Variants in CFAP70 observed in about 807,000 individuals in gnomAD.
CFAP70 encodes cilia and flagella associated protein 70, also known as cilia- and flagella-associated protein 70.
CFAP70 carries 81 observed loss-of-function variants against 137.6 expected under a neutral mutation model. The observed-to-expected ratio is 0.59, with a 90% CI of 0.49 to 0.71. The LOEUF (loss-of-function observed/expected upper bound fraction) is 0.71. Among genes scored for constraint, CFAP70 ranks in the 30% least tolerant of loss-of-function variants. The pLI, the probability that CFAP70 is intolerant of heterozygous loss-of-function variation, is 0.00. For synonymous variants in CFAP70, 382 were observed against 423.6 expected (o/e 0.90, Z 1.20); for missense variants, 976 against 1,226.7 (o/e 0.80, Z 3.05).
chr10:73,325,907 T>C (rs888385978), intron 8 of CFAP70, among the ~76,000 whole-genome samples: 1 of 152,150 alleles, frequency 6.6e-6, no homozygotes, highest in African/African-American at 2.4e-5. Flanking sequence ...AACACCCCAC[T>C]GTCAACATTA....
At chr10:73,339,442 T>C (rs552939298) in intron 6 of CFAP70, among the ~76,000 whole-genome samples, 11 of 152,348 alleles carry the variant, frequency 7.2e-5, no homozygotes, top group Non-Finnish European at 1.3e-4. Flanking sequence ...GGTCTGTTGC[T>C]TTTCCAGCAG....
intron 8 of CFAP70, among the ~76,000 whole-genome samples, chr10:73,325,459 A>G (rs1354759186): frequency 6.6e-6 from 1 of 152,200 alleles, no homozygotes; most frequent in East Asian, 1.9e-4. Context: ...TAACATCATA[A>G]TGACGGGATC....
intron 6 of CFAP70, among the ~76,000 whole-genome samples, chr10:73,339,627 G>A (rs1223333781): frequency 1.3e-5 from 2 of 152,228 alleles, no homozygotes; most frequent in Non-Finnish European, 2.9e-5. Context: ...AGCGATCATG[G>A]GGTCTGGCCA....
At chr10:73,271,532 G>A (rs556231468) in intron 24 of CFAP70, among the ~76,000 whole-genome samples, 10 of 151,972 alleles carry the variant, frequency 6.6e-5, no homozygotes, top group Non-Finnish European at 1.2e-4. Context: ...CTGTTAAGTC[G>A]AAAAAAGGTT....
intron 19 of CFAP70, among the ~76,000 whole-genome samples, chr10:73,278,770 G>A (rs1246676319): frequency 2.6e-5 from 4 of 151,710 alleles, no homozygotes; most frequent in African/African-American, 9.7e-5. Flanking sequence ...CACGAGGTCA[G>A]GAGATCCAGT....
At chr10:73,338,983 A>C (rs2052983071) in intron 6 of CFAP70, among the ~76,000 whole-genome samples, 1 of 150,790 alleles carries the variant, frequency 6.6e-6, no homozygotes, top group African/African-American at 2.4e-5. Flanking sequence ...GCAGTGACAC[A>C]ATCCTGACTC....
intron 3 of CFAP70, among the ~76,000 whole-genome samples, chr10:73,348,789 G>T (rs761601727): frequency 1.3e-5 from 2 of 152,138 alleles, no homozygotes; most frequent in African/African-American, 2.4e-5. Flanking sequence ...GAGGCTGGGC[G>T]TGGTGGCTCA....
intron 8 of CFAP70, among the ~76,000 whole-genome samples, chr10:73,324,861 T>G (rs1025349725): frequency 1.3e-5 from 2 of 152,318 alleles, no homozygotes; most frequent in East Asian, 3.9e-4. Context: ...TACGTCTGAT[T>G]GGTGTACCTG....
chr10:73,317,426 A>G (rs1309359952), intron 9 of CFAP70, among the ~76,000 whole-genome samples: 1 of 152,210 alleles, frequency 6.6e-6, no homozygotes, highest in Admixed American at 6.5e-5. Flanking sequence ...ATGAAAAATC[A>G]GTGGTTAACC....
At chr10:73,293,500 A>G in intron 15 of CFAP70, 112 bp from the exon 17 acceptor site, 1 of 904,512 alleles carries the variant, frequency 1.1e-6, no homozygotes. Context: ...AATGTTACTG[A>G]TTGATGTCTA....
chr10:73,303,379 G>A (rs768762010), intron 12 of CFAP70, among the ~76,000 whole-genome samples: 12 of 152,008 alleles, frequency 7.9e-5, no homozygotes, highest in South Asian at 4.2e-4. Context: ...CACCACGCCC[G>A]GCTAATTTTT....
At chr10:73,328,541 A>G (rs1007618495) in intron 8 of CFAP70, among the ~76,000 whole-genome samples, 9 of 147,910 alleles carry the variant, frequency 6.1e-5, no homozygotes, top group Non-Finnish European at 1.2e-4. Flanking sequence ...CTACCATCAG[A>G]GTGAACAGGC....
At chr10:73,268,677 TTTA>T (rs200498283) in intron 25 of CFAP70, among the ~76,000 whole-genome samples, 15,755 of 150,834 alleles carry the variant, frequency 0.1, 1,164 homozygotes, top group East Asian at 0.29. Flanking sequence ...AAGAACTCTT[TTTA>T]TTTGTTTTTC....
chr10:73,278,215 A>T, exon 20 of CFAP70: 2 of 1,613,894 alleles, frequency 1.2e-6, no homozygotes, highest in Non-Finnish European at 1.7e-6. Context: ...AATGTGTTAG[A>T]TGGTTTTTGG....
rs1292079920 is a variant in CFAP70 at position 73,351,122 on chromosome 10, G to GT, written c.250+2433dup. 9.0e-4 allele frequency among the ~76,000 whole-genome samples: 59 copies of GT among 65,808 alleles called. 1 individual carries two copies. Among genetic ancestry groups the GT allele is most frequent in the African/African-American group, 1.7e-3 (35 of 21,034 alleles). 43.2% of individuals were successfully genotyped at this position (65,808 alleles called of 152,430 possible). On this transcript the variant is annotated intron_variant, in intron 3 of 26. Transcript: ENST00000310715. ...ATATATATATATATATGTATGTTTTGTTTTTTTTTTTTGTGAGACGGAGTC... is the reference window on the plus strand; with the variant it reads ...ATATATATATATATATGTATGTTTTGTTTTTTTTTTTTTGTGAGACGGAGTC...
intron 19 of CFAP70, among the ~76,000 whole-genome samples, chr10:73,284,240 AT>A (rs2047473198): frequency 6.6e-6 from 1 of 152,104 alleles, no homozygotes; most frequent in South Asian, 2.1e-4. Flanking sequence ...GAAGCATAAC[AT>A]CTTCAAATAT....
At chr10:73,310,755 T>C (rs934854888) in intron 11 of CFAP70, among the ~76,000 whole-genome samples, 2 of 152,216 alleles carry the variant, frequency 1.3e-5, no homozygotes, top group African/African-American at 4.8e-5. Context: ...CAATCTCTCT[T>C]GATTTTTCTC....
chr10:73,287,889 A>ATCTG (rs139978157), intron 19 of CFAP70, among the ~76,000 whole-genome samples: 1 of 151,126 alleles, frequency 6.6e-6, no homozygotes, highest in African/African-American at 2.4e-5. Flanking sequence ...CTATCTATCT[A>ATCTG]TCTATCTATC....
chr10:73,275,474 AG>A lies in CFAP70; in HGVS notation c.2644del (p.Leu882PhefsTer10). The A allele has an allele frequency of 6.2e-7, 1 of 1,608,900 alleles. No individual in the cohort carries two copies. Among genetic ancestry groups the A allele is most frequent in the Non-Finnish European group, 8.5e-7 (1 of 1,178,242 alleles). ...GTAGTCCATCTGGGCTGCTTGTTGA[AG>A]GTATTCCTCTGCCTTGGCAAAGTTC... On this transcript the variant is annotated frameshift_variant, in exon 22 of 27. Transcript: ENST00000310715. LOFTEE classifies it high-confidence loss of function. The surrounding 1 kb of genome is among the most constrained non-coding windows in gnomAD (Gnocchi z 4.0).
Sources: gnomAD v4.1 joint callset for allele counts (sites outside exome capture counted in the v4.1 genomes callset) on GRCh38, gnomAD v4.1.1 for gene constraint, Gnocchi (gnomAD v3.1) non-coding constraint, MANE v1.5 for transcripts, NCBI Gene and HGNC (gene_info 2026-07-23, HGNC 2026-07-21) for gene names.